ARHGAP17: variants seen among roughly 807,000 people sequenced by gnomAD.
The protein encoded by ARHGAP17 is Rho GTPase activating protein 17.
Under a neutral mutation model 99.5 loss-of-function variants are expected in ARHGAP17, and 57 were observed. The observed-to-expected ratio is 0.57, with a 90% CI of 0.46 to 0.71. The LOEUF (loss-of-function observed/expected upper bound fraction) is 0.71, where lower values mean the gene tolerates loss of function less well. ARHGAP17 is among the 30% of genes least tolerant of loss of function. The probability of loss-of-function intolerance (pLI) is 0.00; values close to 1 mark genes in which losing one functional copy is unlikely to be tolerated. For synonymous variants in ARHGAP17, 417 were observed against 429.6 expected, an observed-to-expected ratio of 0.97 and a Z score of 0.36; for missense variants, 1,000 against 1,122.4, an observed-to-expected ratio of 0.89 and a Z score of 1.56.
At chr16:24,932,825 T>C (rs1106576) in intron 18 of ARHGAP17, among the ~76,000 whole-genome samples, 27,848 of 151,768 alleles carry the variant, frequency 0.18, 7,919 homozygotes, top group African/African-American at 0.61. Context: ...AAAGGAGAGA[T>C]TTTAGCCTTT....
At chr16:24,980,068 G>A (rs921812236) in intron 1 of ARHGAP17, among the ~76,000 whole-genome samples, 1 of 152,204 alleles carries the variant, frequency 6.6e-6, no homozygotes, top group Non-Finnish European at 1.5e-5. Flanking sequence ...ACAGTGAAGG[G>A]AGTCAGGGGA....
intron 1 of ARHGAP17, among the ~76,000 whole-genome samples, chr16:24,997,114 T>C (rs1234751115): frequency 1.3e-5 from 2 of 152,152 alleles, no homozygotes; most frequent in East Asian, 1.9e-4. Flanking sequence ...AGATGCATAT[T>C]CTCTGTCATT....
In ARHGAP17 at chr16:24,931,073, G is replaced by T; in HGVS notation, c.2226C>A (p.Pro742=). Residue 742 remains proline (P), a synonymous_variant, in exon 19 of 20, where the codon CCC becomes CCA. Coordinates refer to ENST00000289968, the MANE Select transcript of ARHGAP17 (RefSeq NM_001006634.3). The part of the protein sequence containing the change: ...SQGPPNPMAL[P]SEHGLEQPSH... ...ATGGCTGCTCAAGTCCATGCTCACT[G>T]GGCAATGCCATGGGGTTGGGAGGGC... 1 of 1,606,470 alleles carries T rather than the reference G, an allele frequency of 6.2e-7. No homozygotes were observed.
At chr16:24,926,296 T>C (rs890095434) in intron 19 of ARHGAP17, among the ~76,000 whole-genome samples, 2 of 152,106 alleles carry the variant, frequency 1.3e-5, no homozygotes, top group Admixed American at 1.3e-4. Context: ...AGTCTCACTC[T>C]GTCACCCAGG....
rs181737506 is a variant in ARHGAP17 at position 24,984,894 on chromosome 16, A to T, written c.54-5889T>A. Among the ~76,000 whole-genome samples, 244 of 147,122 alleles carry T rather than the reference A, an allele frequency of 1.7e-3. No homozygotes were observed. The South Asian group carries it at 0.029, about 18-fold the overall frequency. On this transcript the variant is annotated intron_variant, in intron 1 of 19. Transcript: ENST00000289968. ...GGGAAAAAAAACCACAGTTGAAAATAAAAAAAAAATGTCTGTAGGGGGAGG... is the reference window on the plus strand; with the variant it reads ...GGGAAAAAAAACCACAGTTGAAAATTAAAAAAAAATGTCTGTAGGGGGAGG...
At chr16:25,008,738 T>C (rs1438161168) in intron 1 of ARHGAP17, among the ~76,000 whole-genome samples, 1 of 152,218 alleles carries the variant, frequency 6.6e-6, no homozygotes, top group Non-Finnish European at 1.5e-5. Context: ...AACATGCCGC[T>C]TACACATATA....
intron 6 of ARHGAP17, among the ~76,000 whole-genome samples, chr16:24,966,659 GGT>G (rs1451619978): frequency 3.3e-5 from 5 of 151,864 alleles, no homozygotes; most frequent in Admixed American, 1.3e-4. Context: ...AGCTGGGTGT[GGT>G]GGTGTGCAGC....
chr16:24,945,343 A>AAAG (rs199638888), intron 14 of ARHGAP17, among the ~76,000 whole-genome samples: 36 of 151,102 alleles, frequency 2.4e-4, no homozygotes, highest in African/African-American at 5.2e-4. Flanking sequence ...AGAAAGGAAG[A>AAAG]AAGAAGAAGA....
At chr16:24,985,836 A>G (rs915900876) in intron 1 of ARHGAP17, among the ~76,000 whole-genome samples, 2 of 152,108 alleles carry the variant, frequency 1.3e-5, no homozygotes, top group African/African-American at 2.4e-5. Flanking sequence ...ACACACATAC[A>G]TGCACACCCA....
At chr16:24,945,238 G>A (rs993764710) in intron 14 of ARHGAP17, among the ~76,000 whole-genome samples, 3 of 151,692 alleles carry the variant, frequency 2.0e-5, no homozygotes, top group South Asian at 2.1e-4. Context: ...TTGGAGGATA[G>A]CCTGAGCCCA....
chr16:24,999,080 T>C (rs2141470548), intron 1 of ARHGAP17, among the ~76,000 whole-genome samples: 1 of 152,264 alleles, frequency 6.6e-6, no homozygotes, highest in South Asian at 2.1e-4. Context: ...GACAGCAACA[T>C]CTCATTGTCC....
intron 1 of ARHGAP17, among the ~76,000 whole-genome samples, chr16:24,993,964 A>G (rs745422671): frequency 4.6e-5 from 7 of 152,234 alleles, no homozygotes; most frequent in Non-Finnish European, 8.8e-5. Context: ...CAAACGTAGG[A>G]CTGTAACTCC....
chr16:24,976,130 A>C (rs1045247270), intron 3 of ARHGAP17, among the ~76,000 whole-genome samples: 2 of 152,206 alleles, frequency 1.3e-5, no homozygotes, highest in African/African-American at 2.4e-5. Context: ...GTGGAACAGA[A>C]ACAGTCAAAA....
rs1420315645 is a variant in ARHGAP17, at chr16:24,982,984, ATATATATATATATTTTTTTTT to A, written c.54-4000_54-3980del. On this transcript the variant is annotated intron_variant, in intron 1 of 19. Coordinates refer to ENST00000289968, the MANE Select transcript of ARHGAP17 (RefSeq NM_001006634.3). ...ATAAATCATATATATATATATATAT[ATATATATATATATTTTTTTTT>A]TTTTTTTTTTTTTTTTTGAGACAGG... Among the ~76,000 whole-genome samples the A allele has an allele frequency of 9.2e-3, 259 of 28,004 alleles. 2 individuals carry two copies. The highest frequency in any genetic ancestry group is 0.018 in the East Asian group (32 of 1,772). The allele number at this position is 28,004 out of a possible 152,430, so 18.4% of individuals were successfully genotyped here.
intron 1 of ARHGAP17, among the ~76,000 whole-genome samples, chr16:24,979,390 T>C (rs928784145): frequency 2.0e-5 from 3 of 152,134 alleles, no homozygotes; most frequent in Admixed American, 1.3e-4. Context: ...CAGAATTCCA[T>C]TGCAGGAGGT....
At chr16:24,956,764 G>A (rs1668154139) in intron 9 of ARHGAP17, 1 of 152,202 alleles carries the variant, frequency 6.6e-6, no homozygotes, top group African/African-American at 2.4e-5. Context: ...CAAACCATCT[G>A]GTTTTCACAT....
At chr16:24,973,319 C>G (rs2052422958) in intron 3 of ARHGAP17, among the ~76,000 whole-genome samples, 3 of 152,196 alleles carry the variant, frequency 2.0e-5, no homozygotes, top group African/African-American at 7.2e-5. Flanking sequence ...ATTCTTGCCT[C>G]TTCCCATGCA....
intron 1 of ARHGAP17, among the ~76,000 whole-genome samples, chr16:25,008,862 T>C (rs2053573050): frequency 1.3e-5 from 2 of 152,212 alleles, no homozygotes; most frequent in Non-Finnish European, 2.9e-5. Flanking sequence ...CAGTAAAGAA[T>C]GGATTTTCAC....
chr16:24,959,180 C>A (rs1444624686), intron 9 of ARHGAP17, among the ~76,000 whole-genome samples: 1 of 152,148 alleles, frequency 6.6e-6, no homozygotes. Flanking sequence ...GGAGTCTGAA[C>A]GAAGCGACCA....
Sources: gnomAD v4.1 joint callset for allele counts (sites outside exome capture counted in the v4.1 genomes callset) on GRCh38, gnomAD v4.1.1 for gene constraint, MANE v1.5 for transcripts, NCBI Gene and HGNC (gene_info 2026-07-23, HGNC 2026-07-21) for gene names.